The following PDZRN4 variants were observed in gnomAD, a reference collection of about 807,000 sequenced individuals.
The protein encoded by PDZRN4 is PDZ domain-containing RING finger protein 4.
A neutral mutation model predicts 99.0 loss-of-function variants in PDZRN4; 70 were observed. The ratio of observed to expected loss-of-function variants is 0.71; its 90% CI spans 0.58 to 0.86. The LOEUF is 0.86. Ranked by LOEUF, PDZRN4 falls within the 40% of genes least tolerant of loss-of-function variation. The pLI, the probability that PDZRN4 is intolerant of heterozygous loss-of-function variation, is 0.00. For missense variants in PDZRN4, 1,474 were observed against 1,331.2 expected (o/e 1.11, Z -1.67); for synonymous variants, 551 against 501.6 (o/e 1.10, Z -1.32).
chr12:41,252,069 T>A (rs1951174734), intron 3 of PDZRN4, among the ~76,000 whole-genome samples: 1 of 152,090 alleles, frequency 6.6e-6, no homozygotes, highest in African/African-American at 2.4e-5. Flanking sequence ...TAAGCCATCA[T>A]CAAGCCACTG....
At chr12:41,536,761 T>TAAAAAAAAA (rs59008796) in intron 5 of PDZRN4, among the ~76,000 whole-genome samples, 1 of 137,362 alleles carries the variant, frequency 7.3e-6, no homozygotes, top group Non-Finnish European at 1.6e-5. Context: ...TATTGAAAAG[T>TAAAAAAAAA]AAAAAAAAAA....
chr12:41,433,595 G>T (rs2730811), intron 3 of PDZRN4, among the ~76,000 whole-genome samples: 4 of 151,970 alleles, frequency 2.6e-5, no homozygotes, highest in Non-Finnish European at 5.9e-5. Context: ...ATAGTGGCAA[G>T]GGTAAAGAGA....
At chr12:41,466,539 C>T (rs910751791) in intron 3 of PDZRN4, among the ~76,000 whole-genome samples, 6 of 152,296 alleles carry the variant, frequency 3.9e-5, no homozygotes, top group African/African-American at 1.4e-4. Flanking sequence ...CCTTTCTCAA[C>T]TTGTCAATAT....
intron 3 of PDZRN4, among the ~76,000 whole-genome samples, chr12:41,251,431 A>G (rs901264772): frequency 6.6e-6 from 1 of 152,086 alleles, no homozygotes; most frequent in Non-Finnish European, 1.5e-5. Flanking sequence ...GTAAAGTATC[A>G]ATGATTTCAC....
At chr12:41,210,048 G>A (rs1359955295) in intron 3 of PDZRN4, among the ~76,000 whole-genome samples, 2 of 152,032 alleles carry the variant, frequency 1.3e-5, no homozygotes, top group East Asian at 3.9e-4. Context: ...TCTAACTGGT[G>A]TGAGATGGTA....
At chr12:41,280,925 C>A (rs896051070) in intron 3 of PDZRN4, among the ~76,000 whole-genome samples, 1 of 152,184 alleles carries the variant, frequency 6.6e-6, no homozygotes, top group Non-Finnish European at 1.5e-5. Flanking sequence ...CTAGGAGACA[C>A]CTCCCAGCAG....
At chr12:41,386,606 A>G (rs1297311692) in intron 3 of PDZRN4, among the ~76,000 whole-genome samples, 3 of 152,208 alleles carry the variant, frequency 2.0e-5, no homozygotes, top group Non-Finnish European at 4.4e-5. Flanking sequence ...CATTCTTTAT[A>G]GAACTAGGAA....
chr12:41,198,226 T>C (rs1165165091), intron 3 of PDZRN4, among the ~76,000 whole-genome samples: 1 of 152,124 alleles, frequency 6.6e-6, no homozygotes, highest in Non-Finnish European at 1.5e-5. Context: ...TCTCCTCTCT[T>C]ATTTCTATGA....
intron 5 of PDZRN4, among the ~76,000 whole-genome samples, chr12:41,520,938 C>G (rs761387635): frequency 6.6e-6 from 1 of 152,058 alleles, no homozygotes; most frequent in Admixed American, 6.6e-5. Context: ...TTCTAGACAT[C>G]GTTGAATTTT....
chr12:41,540,696 G>C (rs1206323877), intron 5 of PDZRN4, among the ~76,000 whole-genome samples: 1 of 152,120 alleles, frequency 6.6e-6, no homozygotes, highest in African/African-American at 2.4e-5. Flanking sequence ...ACATGCCCCA[G>C]ATTCTTTTCT....
chr12:41,279,032 A>C (rs2120879004), intron 3 of PDZRN4, among the ~76,000 whole-genome samples: 1 of 152,326 alleles, frequency 6.6e-6, no homozygotes, highest in African/African-American at 2.4e-5. Flanking sequence ...AAATAAAGGC[A>C]GGGTGACATA....
intron 3 of PDZRN4, among the ~76,000 whole-genome samples, chr12:41,501,768 T>C (rs1394209046): frequency 6.6e-6 from 1 of 152,200 alleles, no homozygotes; most frequent in Non-Finnish European, 1.5e-5. Context: ...AAGCCATCAC[T>C]TGAATATATA....
intron 3 of PDZRN4, among the ~76,000 whole-genome samples, chr12:41,417,493 G>A (rs1952454718): frequency 6.6e-6 from 1 of 152,152 alleles, no homozygotes; most frequent in Non-Finnish European, 1.5e-5. Context: ...TCATCCATCA[G>A]TACTTACTGA....
intron 3 of PDZRN4, among the ~76,000 whole-genome samples, chr12:41,233,484 C>T (rs913065458): frequency 6.6e-6 from 1 of 152,132 alleles, no homozygotes; most frequent in East Asian, 1.9e-4. Context: ...AAGACACATG[C>T]ACACGTATGT....
At chr12:41,191,935 A>G (rs1950738413) in intron 2 of PDZRN4, among the ~76,000 whole-genome samples, 1 of 151,770 alleles carries the variant, frequency 6.6e-6, no homozygotes, top group Non-Finnish European at 1.5e-5. Flanking sequence ...GGCTCCTGCC[A>G]CCACACCCGG....
intron 3 of PDZRN4, among the ~76,000 whole-genome samples, chr12:41,424,954 C>A (rs1475068581): frequency 2.0e-5 from 3 of 152,082 alleles, no homozygotes; most frequent in Non-Finnish European, 4.4e-5. Flanking sequence ...AAGACATTGG[C>A]AAACATTGTC....
At chr12:41,549,155 T>C (rs899224909) in intron 5 of PDZRN4, among the ~76,000 whole-genome samples, 1 of 152,178 alleles carries the variant, frequency 6.6e-6, no homozygotes, top group Non-Finnish European at 1.5e-5. Flanking sequence ...ACTCATGAAT[T>C]GTCTCCATGG....
chr12:41,188,774 G>C lies in PDZRN4; in HGVS notation c.319G>C (p.Gly107Arg), dbSNP rs866040541. The change falls in exon 1 of 10, where the codon GGC becomes CGC. Residue 107 changes from glycine to arginine, a missense_variant. Physicochemically the swap from Gly to Arg is moderately radical, Grantham distance 125. Transcript: ENST00000402685. Reference protein sequence around the residue: ...LEAHVEHCDFGPARRLRSRGG... With the variant: ...LEAHVEHCDFRPARRLRSRGG... ...GGCGCACGTCGAGCACTGCGACTTCGGCCCTGCCCGCCGGCTCCGCAGCCG... is the reference window on the plus strand; with the variant it reads ...GGCGCACGTCGAGCACTGCGACTTCCGCCCTGCCCGCCGGCTCCGCAGCCG... 1.4e-6 allele frequency: 2 copies of C among 1,398,716 alleles called. No homozygotes were observed. Among genetic ancestry groups the C allele is most frequent in the South Asian group, 1.6e-5 (1 of 62,050 alleles). 86.6% of individuals were successfully genotyped at this position (1,398,716 alleles called of 1,614,324 possible).
chr12:41,489,257 G>A (rs940101317), intron 3 of PDZRN4, among the ~76,000 whole-genome samples: 3 of 151,998 alleles, frequency 2.0e-5, no homozygotes, highest in African/African-American at 7.2e-5. Context: ...GATGTTTTGG[G>A]TGGGGGCAGA....
Sources: allele counts gnomAD v4.1 joint callset (sites outside exome capture counted in the v4.1 genomes callset), GRCh38; gene constraint gnomAD v4.1.1; transcripts MANE v1.5; gene names NCBI Gene and HGNC (gene_info 2026-07-23, HGNC 2026-07-21).